The following DTNA variants were observed in gnomAD, a reference collection of about 807,000 sequenced individuals.
DTNA encodes the protein dystrophin-related protein 3.
In DTNA, 43 loss-of-function variants were observed where a neutral mutation model predicts 100.7. That is an observed-to-expected ratio of 0.43 (90% CI 0.33 to 0.55). The LOEUF (loss-of-function observed/expected upper bound fraction) is 0.55, where lower values mean the gene tolerates loss of function less well. Ranked by LOEUF, DTNA falls within the 20% of genes least tolerant of loss-of-function variation. The pLI is 0.04. For synonymous variants in DTNA, 349 were observed against 347.9 expected, an observed-to-expected ratio of 1.00 and a Z score of -0.04; for missense variants, 798 against 953.9, an observed-to-expected ratio of 0.84 and a Z score of 2.15.
chr18:34,589,459 A>G (rs2049468968), intron 1 of DTNA, among the ~76,000 whole-genome samples: 1 of 152,016 alleles, frequency 6.6e-6, no homozygotes, highest in Non-Finnish European at 1.5e-5. Flanking sequence ...AATACAAAAA[A>G]TTAGCTGGGC....
At chr18:34,753,786 C>A (rs1340810266) in intron 1 of DTNA, among the ~76,000 whole-genome samples, 1 of 152,170 alleles carries the variant, frequency 6.6e-6, no homozygotes, top group East Asian at 1.9e-4. Context: ...AAGTCTACTT[C>A]TGAGCCCTTG....
At chr18:34,510,095 T>TG (rs1476192393) in intron 1 of DTNA, among the ~76,000 whole-genome samples, 1 of 51,692 alleles carries the variant, frequency 1.9e-5, no homozygotes, top group South Asian at 6.4e-4. Context: ...GTGTGTGTGG[T>TG]TTTTTTGGTT....
chr18:34,572,325 A>G (rs926493805), intron 1 of DTNA, among the ~76,000 whole-genome samples: 1 of 152,180 alleles, frequency 6.6e-6, no homozygotes, highest in African/African-American at 2.4e-5. Flanking sequence ...GTATTAAATG[A>G]GAATACTCTG....
At chr18:34,885,503 A>G (rs1239204358) in intron 22 of DTNA, among the ~76,000 whole-genome samples, 2 of 152,328 alleles carry the variant, frequency 1.3e-5, no homozygotes, top group East Asian at 3.9e-4. Flanking sequence ...GCCAGACTCT[A>G]ATAGACCCAT....
chr18:34,569,550 C>T (rs886653013), intron 1 of DTNA, among the ~76,000 whole-genome samples: 2 of 152,108 alleles, frequency 1.3e-5, no homozygotes, highest in South Asian at 4.1e-4. Flanking sequence ...AACTCAAATG[C>T]ATACTGCATT....
chr18:34,676,801 A>G (rs2077454912), intron 1 of DTNA, among the ~76,000 whole-genome samples: 1 of 152,200 alleles, frequency 6.6e-6, no homozygotes, highest in South Asian at 2.1e-4. Flanking sequence ...ATGCCACTGC[A>G]CTCAGTATGG....
intron 1 of DTNA, among the ~76,000 whole-genome samples, chr18:34,599,797 C>A (rs1396641583): frequency 6.6e-6 from 1 of 152,140 alleles, no homozygotes; most frequent in Non-Finnish European, 1.5e-5. Flanking sequence ...CCTGCCGCAG[C>A]CTCCCAAGTA....
chr18:34,699,345 T>C (rs1272770148), intron 1 of DTNA, among the ~76,000 whole-genome samples: 1 of 152,118 alleles, frequency 6.6e-6, no homozygotes, highest in Non-Finnish European at 1.5e-5. Flanking sequence ...AAGACCATAA[T>C]GCAGAAAAAG....
intron 9 of DTNA, among the ~76,000 whole-genome samples, chr18:34,821,858 G>A (rs1394439336): frequency 1.3e-5 from 2 of 152,210 alleles, no homozygotes; most frequent in East Asian, 3.9e-4. Context: ...AGGCAGTTCA[G>A]CATATGATCC....
At chr18:34,644,921 T>C (rs779529539) in intron 1 of DTNA, among the ~76,000 whole-genome samples, 2 of 152,156 alleles carry the variant, frequency 1.3e-5, no homozygotes, top group Non-Finnish European at 2.9e-5. Flanking sequence ...TTTTAATGTA[T>C]ACTAAGTATT....
At chr18:34,740,123 C>T (rs1764589467) in intron 1 of DTNA, among the ~76,000 whole-genome samples, 2 of 152,094 alleles carry the variant, frequency 1.3e-5, no homozygotes, top group East Asian at 1.9e-4. Flanking sequence ...GAATCCCTTT[C>T]GCCACCTTTT....
chr18:34,766,464 G>A (rs2093472824), intron 3 of DTNA, among the ~76,000 whole-genome samples: 1 of 120,978 alleles, frequency 8.3e-6, no homozygotes, highest in Non-Finnish European at 1.8e-5. Context: ...TCACTCATAG[G>A]TGGGAACTGA....
rs77441979 is a variant in DTNA at position 34,704,878 on chromosome 18, A to G, written c.-1-51098A>G. ...TCACAGGTAGACTTAATTTTCAGAA[A>G]TGTCCTTCCCTTTTCCCTTTAGCTG... On this transcript the variant is annotated intron_variant, in intron 1 of 19. Coordinates refer to the DTNA transcript ENST00000283365. 4.4e-3 allele frequency among the ~76,000 whole-genome samples: 671 copies of G among 152,296 alleles called. 5 individuals carry two copies. The highest frequency in any genetic ancestry group is 0.015 in the African/African-American group (635 of 41,576).
chr18:34,620,969 A>G (rs2056379625), intron 1 of DTNA, among the ~76,000 whole-genome samples: 1 of 152,034 alleles, frequency 6.6e-6, no homozygotes, highest in Admixed American at 6.6e-5. Context: ...GCAATTGCAT[A>G]AAATACCATT....
chr18:34,659,650 A>G (rs2074904878), intron 1 of DTNA, among the ~76,000 whole-genome samples: 1 of 152,110 alleles, frequency 6.6e-6, no homozygotes, highest in Non-Finnish European at 1.5e-5. Context: ...ACACACACAC[A>G]CACACACTCA....
chr18:34,861,900 T>G (rs2096632466), intron 16 of DTNA, among the ~76,000 whole-genome samples: 1 of 152,206 alleles, frequency 6.6e-6, no homozygotes, highest in Non-Finnish European at 1.5e-5. Flanking sequence ...AACCTAATAA[T>G]ACCAGTTAAC....
At chr18:34,620,761 T>C (rs1217427731) in intron 1 of DTNA, among the ~76,000 whole-genome samples, 4 of 152,064 alleles carry the variant, frequency 2.6e-5, no homozygotes, top group African/African-American at 4.8e-5. Flanking sequence ...TGCTAAACCA[T>C]TCATGAGAAA....
intron 1 of DTNA, among the ~76,000 whole-genome samples, chr18:34,688,642 G>A (rs2079266507): frequency 6.6e-6 from 1 of 152,128 alleles, no homozygotes; most frequent in African/African-American, 2.4e-5. Context: ...TTCTTGAGGA[G>A]TATCTTTGTG....
At chr18:34,532,772 G>T (rs551426189) in intron 1 of DTNA, among the ~76,000 whole-genome samples, 1 of 148,250 alleles carries the variant, frequency 6.7e-6, no homozygotes, top group Non-Finnish European at 1.5e-5. Flanking sequence ...ATATATATAT[G>T]TGTGTGTGTG....
Sources: allele counts gnomAD v4.1 joint callset (sites outside exome capture counted in the v4.1 genomes callset), GRCh38; gene constraint gnomAD v4.1.1; transcripts MANE v1.5; gene names NCBI Gene and HGNC (gene_info 2026-07-23, HGNC 2026-07-21).